ZNF214: variants seen among roughly 807,000 people sequenced by gnomAD.
ZNF214 encodes the protein zinc finger protein 214.
A neutral mutation model predicts 53.9 loss-of-function variants in ZNF214; 43 were observed. The ratio of observed to expected loss-of-function variants is 0.80; its 90% CI spans 0.63 to 1.03. The LOEUF (loss-of-function observed/expected upper bound fraction) is 1.03, where lower values mean the gene tolerates loss of function less well. ZNF214 is among the 50% of genes least tolerant of loss of function. The pLI, the probability that ZNF214 is intolerant of heterozygous loss-of-function variation, is 0.00. For synonymous variants in ZNF214, 217 were observed against 229.5 expected, an observed-to-expected ratio of 0.95 and a Z score of 0.49; for missense variants, 724 against 719.1, an observed-to-expected ratio of 1.01 and a Z score of -0.08.
Position 6,999,656 on chromosome 11 carries a change from A to G in ZNF214, c.*206T>C, listed in dbSNP as rs1851270662. On this transcript the variant is annotated 3_prime_UTR_variant, in exon 3 of 3. Transcript: ENST00000278314. The stretch of plus-strand genomic sequence containing the variant: ...ACTGTATTATATTTATAGTAGGTAA[A>G]GAAAAATACACTATAATTTTAAATA... 1 of 456,476 alleles carries G rather than the reference A, an allele frequency of 2.2e-6. No homozygotes were observed. The highest frequency in any genetic ancestry group is 3.7e-6 in the Non-Finnish European group (1 of 268,224). The allele number at this position is 456,476 out of a possible 1,614,324, so 28.3% of individuals were successfully genotyped here.
chr11:7,010,870 C>A (rs1409998513), intron 1 of ZNF214, among the ~76,000 whole-genome samples: 2 of 151,292 alleles, frequency 1.3e-5, no homozygotes, highest in Admixed American at 6.6e-5. Context: ...GTGTTGTGAA[C>A]TATATATATA....
Position 7,001,195 on chromosome 11 carries a change from T to TGA in ZNF214, c.486_487dup (p.Gln163LeufsTer24), listed in dbSNP as rs1564991328. On this transcript the variant is annotated frameshift_variant, in exon 3 of 3. Coordinates refer to ENST00000278314, the MANE Select transcript of ZNF214 (RefSeq NM_013249.4). LOFTEE classifies it high-confidence loss of function. Reference sequence around the variant, plus strand: ...TATGCCAAGACGGTATCTGCCCCCTTGAAAACCATGTGAACCACTCATGTA... The same window carrying TGA: ...TATGCCAAGACGGTATCTGCCCCCTTGAGAAAACCATGTGAACCACTCATGTA... 6.2e-7 allele frequency: 1 copy of TGA among 1,613,266 alleles called. No homozygotes were observed. Among genetic ancestry groups the TGA allele is most frequent in the Non-Finnish European group, 8.5e-7 (1 of 1,179,504 alleles).
At chr11:7,019,655 TAGATCTCCA>T (rs1851864023) in intron 1 of ZNF214, 1 of 152,192 alleles carries the variant, frequency 6.6e-6, no homozygotes, top group Non-Finnish European at 1.5e-5. Flanking sequence ...ACCAAACTTA[TAGATCTCCA>T]AGATCTCAGT....
intron 1 of ZNF214, among the ~76,000 whole-genome samples, chr11:7,018,049 A>C (rs1485615015): frequency 1.3e-5 from 2 of 152,160 alleles, no homozygotes; most frequent in African/African-American, 4.8e-5. Context: ...GCATATACCT[A>C]AGTTTATATT....
chr11:7,016,958 T>C (rs550268746), intron 1 of ZNF214, among the ~76,000 whole-genome samples: 99 of 152,118 alleles, frequency 6.5e-4, no homozygotes, highest in Non-Finnish European at 1.1e-3. Flanking sequence ...AAAACTTATA[T>C]AAACAAGTCC....
chr11:7,005,848 G>A (rs1839857492), intron 1 of ZNF214, among the ~76,000 whole-genome samples: 1 of 151,914 alleles, frequency 6.6e-6, no homozygotes, highest in African/African-American at 2.4e-5. Context: ...CTTCTATAAT[G>A]AAAAACTTGC....
rs529975509 is a variant in ZNF214 at position 7,002,757 on chromosome 11, G to A, written c.79C>T (p.Leu27Phe). ...WKFLDSSQKR[L>F]YREVMWENYT... ...TTCTCCCACATGACCTCCCTGTAGA[G>A]TCTTTTTTGAGAAGAATCCAGGAAT... The change falls in exon 2 of 3, where the codon CTC becomes TTC. Residue 27 changes from leucine (L) to phenylalanine (F), a missense_variant. Physicochemically the swap from Leu to Phe is conservative, Grantham distance 22. Coordinates refer to ENST00000278314, the MANE Select transcript of ZNF214 (RefSeq NM_013249.4). The A allele has an allele frequency of 6.2e-7, 1 of 1,609,490 alleles. No individual in the cohort carries two copies. The highest frequency in any genetic ancestry group is 1.1e-5 in the South Asian group (1 of 90,428).
intron 1 of ZNF214, among the ~76,000 whole-genome samples, chr11:7,016,408 AT>A (rs1184858740): frequency 6.6e-6 from 1 of 152,216 alleles, no homozygotes; most frequent in Admixed American, 6.5e-5. Context: ...TCTAAAACTT[AT>A]TATATATATG....
At chr11:7,013,852 A>C (rs1851677975) in intron 1 of ZNF214, among the ~76,000 whole-genome samples, 1 of 152,200 alleles carries the variant, frequency 6.6e-6, no homozygotes, top group South Asian at 2.1e-4. Flanking sequence ...GGAAGGTTCA[A>C]ATTAGGAAAG....
chr11:7,017,959 C>T (rs1393154524), intron 1 of ZNF214, among the ~76,000 whole-genome samples: 2 of 152,126 alleles, frequency 1.3e-5, no homozygotes, highest in Non-Finnish European at 2.9e-5. Context: ...ACATTTCCTT[C>T]CCTCATGGAG....
At chr11:7,014,609 G>A (rs1283189797) in intron 1 of ZNF214, among the ~76,000 whole-genome samples, 1 of 152,102 alleles carries the variant, frequency 6.6e-6, no homozygotes, top group Non-Finnish European at 1.5e-5. Context: ...TTAAGATAGT[G>A]GCTGCCCCTT....
intron 1 of ZNF214, among the ~76,000 whole-genome samples, chr11:7,003,388 G>C (rs183517446): frequency 6.6e-6 from 1 of 152,048 alleles, no homozygotes; most frequent in Non-Finnish European, 1.5e-5. Flanking sequence ...TGGAAGGAAA[G>C]CCAAATACTA....
At chr11:7,002,888 C>T (rs987884536) in intron 1 of ZNF214, 33 bp from the exon 2 acceptor site, 1 of 1,529,704 alleles carries the variant, frequency 6.5e-7, no homozygotes, top group African/African-American at 1.4e-5. Context: ...AGAAGATGGA[C>T]AAAGATAAAG....
chr11:7,010,811 G>C (rs143116157), intron 1 of ZNF214, among the ~76,000 whole-genome samples: 2 of 151,770 alleles, frequency 1.3e-5, no homozygotes, highest in African/African-American at 4.8e-5. Flanking sequence ...AAAATACAGA[G>C]CAAAATAAGG....
chr11:7,010,629 TC>T (rs1391863145), intron 1 of ZNF214, among the ~76,000 whole-genome samples: 1 of 62,532 alleles, frequency 1.6e-5, no homozygotes, highest in African/African-American at 5.9e-5. Flanking sequence ...AGAGAAACCA[TC>T]CCCCATTAAA....
At position 6,999,114 on chromosome 11, in the gene ZNF214, C is replaced by T. The variant is rs945742327; in HGVS notation, c.*748G>A. On this transcript the variant is annotated 3_prime_UTR_variant, in exon 3 of 3. Coordinates refer to ENST00000278314, the MANE Select transcript of ZNF214 (RefSeq NM_013249.4). ...CCATTTCTAGCACTTTTGTCCATAC[C>T]CTTCACACCTTAGAGAAAATTCTGT... is the stretch of plus-strand genomic sequence containing the variant. Among the ~76,000 whole-genome samples the T allele has an allele frequency of 6.6e-6, 1 of 151,792 alleles. No individual in the cohort carries two copies. The highest frequency in any genetic ancestry group is 2.4e-5 in the African/African-American group (1 of 41,354).
rs1280725156 is a variant in ZNF214, at chr11:7,014,804, C to CAAAAA, written c.-21+5264_-21+5268dup. ...CAACATGGCGAAACCCTGTCTCTAA[C>CAAAAA]AAAAAAAAAAAAAAACAAAAAAAAA... is the stretch of plus-strand genomic sequence containing the variant. On this transcript the variant is annotated intron_variant, in intron 1 of 2. Transcript: ENST00000278314. 8.3e-4 allele frequency among the ~76,000 whole-genome samples: 53 copies of CAAAAA among 63,922 alleles called. 1 individual carries two copies. Among genetic ancestry groups the CAAAAA allele is most frequent in the East Asian group, 9.7e-4 (2 of 2,064 alleles). 41.9% of individuals were successfully genotyped at this position (63,922 alleles called of 152,430 possible). A position where few individuals can be genotyped will look rare whatever the true frequency, so the allele number is the denominator to read the frequency against.
At position 6,999,472 on chromosome 11, in the gene ZNF214, A is replaced by G. The variant is rs1004587971; in HGVS notation, c.*390T>C. 6.4e-6 allele frequency: 1 copy of G among 155,774 alleles called. No homozygotes were observed. Among genetic ancestry groups the G allele is most frequent in the Middle Eastern group, 3.1e-3 (1 of 320 alleles). The allele number at this position is 155,774 out of a possible 1,614,324, so 9.6% of individuals were successfully genotyped here. A position where few individuals can be genotyped will look rare whatever the true frequency, so the allele number is the denominator to read the frequency against. On this transcript the variant is annotated 3_prime_UTR_variant, in exon 3 of 3. Transcript: ENST00000278314. ...AAGAGATGTCGTTTAACAGTTGGCCAACCAGTTTCAATTCAAACCAAAATT... is the reference window on the plus strand; with the variant it reads ...AAGAGATGTCGTTTAACAGTTGGCCGACCAGTTTCAATTCAAACCAAAATT...
intron 1 of ZNF214, among the ~76,000 whole-genome samples, chr11:7,017,795 A>G (rs1851809716): frequency 6.6e-6 from 1 of 152,032 alleles, no homozygotes; most frequent in African/African-American, 2.4e-5. Flanking sequence ...ATGGAACACT[A>G]TACAGTCATT....
Sources: gnomAD v4.1 joint callset for allele counts (sites outside exome capture counted in the v4.1 genomes callset) on GRCh38, gnomAD v4.1.1 for gene constraint, MANE v1.5 for transcripts, NCBI Gene and HGNC (gene_info 2026-07-23, HGNC 2026-07-21) for gene names.